Variants in PNPLA7 observed in about 807,000 individuals in gnomAD.
PNPLA7 encodes patatin-like phospholipase domain-containing protein 7.
Under a neutral mutation model 161.7 loss-of-function variants are expected in PNPLA7, and 153 were observed. That is an observed-to-expected ratio of 0.95 (90% CI 0.83 to 1.08). PNPLA7 has a LOEUF of 1.08. PNPLA7 is among the 50% of genes least tolerant of loss of function. The probability of loss-of-function intolerance (pLI) is 0.00; values close to 1 mark genes in which losing one functional copy is unlikely to be tolerated. For missense variants in PNPLA7, 1,739 were observed against 1,856.6 expected (o/e 0.94, Z 1.16); for synonymous variants, 809 against 782.1 (o/e 1.03, Z -0.57).
chr9:137,498,955 T>G (rs1202271183), intron 16 of PNPLA7, among the ~76,000 whole-genome samples: 2 of 151,514 alleles, frequency 1.3e-5, no homozygotes, highest in Non-Finnish European at 2.9e-5. Flanking sequence ...CAGGATCTGC[T>G]TTGCACAGGA....
chr9:137,524,197 C>G lies in PNPLA7; in HGVS notation c.748-1340G>C, dbSNP rs993429958. ...TGTCAAAATGTCACATAAATGGAGG[C>G]ACAGAGTGTGGAGGCTTCCCTCAGC... On this transcript the variant is annotated intron_variant, in intron 8 of 34. Transcript: ENST00000406427. This position sits in a 1 kb window ranked among gnomAD's most constrained non-coding sequence, Gnocchi z 4.4. 5.3e-5 allele frequency among the ~76,000 whole-genome samples: 8 copies of G among 152,050 alleles called. No homozygotes were observed. Among genetic ancestry groups the G allele is most frequent in the African/African-American group, 1.9e-4 (8 of 41,448 alleles).
chr9:137,497,139 G>A, intron 18 of PNPLA7, 48 bp downstream of exon 18: 8 of 1,468,912 alleles, frequency 5.4e-6, no homozygotes, highest in Non-Finnish European at 7.2e-6. Flanking sequence ...AGGATGCTCT[G>A]GGAGGGATGC....
chr9:137,488,190 C>T (rs545247443), intron 20 of PNPLA7, among the ~76,000 whole-genome samples: 4 of 152,262 alleles, frequency 2.6e-5, no homozygotes, highest in East Asian at 1.9e-4. Context: ...TGTCTCGTCC[C>T]GAGCTTCGGC....
At chr9:137,539,248 C>A (rs1836058165) in intron 8 of PNPLA7, among the ~76,000 whole-genome samples, 1 of 151,934 alleles carries the variant, frequency 6.6e-6, no homozygotes, top group Non-Finnish European at 1.5e-5. Flanking sequence ...GAGGCTGAGG[C>A]AAGAGAATTG....
At position 137,542,610 on chromosome 9, in the gene PNPLA7, G is replaced by A. The variant is rs560486561; in HGVS notation, c.666+32C>T. The A allele has an allele frequency of 3.3e-6, 5 of 1,535,944 alleles. No individual in the cohort carries two copies. In the South Asian group the frequency reaches 3.6e-5, roughly 11 times the overall value. On this transcript the variant is annotated intron_variant, in intron 7 of 34. Transcript: ENST00000406427. ...CAGACGTGGAGGTAAATGCGCAGCC[G>A]CCTGACCCCGCCCCGCCGCCCTGCG...
At chr9:137,473,463 A>C (rs958318887) in intron 25 of PNPLA7, among the ~76,000 whole-genome samples, 1 of 152,220 alleles carries the variant, frequency 6.6e-6, no homozygotes, top group Non-Finnish European at 1.5e-5. Context: ...AAAACTGGAA[A>C]ATCACACTTC....
intron 33 of PNPLA7, chr9:137,461,098 C>T (rs923572797): frequency 5.8e-6 from 2 of 345,566 alleles, no homozygotes; most frequent in Admixed American, 8.7e-5. Context: ...GAAGACGTCT[C>T]CCAGGAGAAT....
chr9:137,472,393 G>A (rs1296393578), intron 25 of PNPLA7, among the ~76,000 whole-genome samples: 3 of 151,966 alleles, frequency 2.0e-5, no homozygotes, highest in African/African-American at 7.2e-5. Context: ...TTACAAGCCT[G>A]TAATCCCAGC....
At chr9:137,522,276 G>A (rs184719178) in intron 9 of PNPLA7, among the ~76,000 whole-genome samples, 3,839 of 150,958 alleles carry the variant, frequency 0.025, 152 homozygotes, top group African/African-American at 0.079. Context: ...GGGTTTCACC[G>A]TGTGAGCCAG....
Position 137,500,285 on chromosome 9 carries a change from C to T in PNPLA7, c.1757+406G>A, listed in dbSNP as rs1056198904. Among the ~76,000 whole-genome samples the T allele has an allele frequency of 2.0e-5, 3 of 152,232 alleles. No individual in the cohort carries two copies. Among genetic ancestry groups the T allele is most frequent in the Non-Finnish European group, 2.9e-5 (2 of 68,050 alleles). On this transcript the variant is annotated intron_variant, in intron 16 of 34. Transcript: ENST00000406427. This position sits in a 1 kb window ranked among gnomAD's most constrained non-coding sequence, Gnocchi z 5.5. Reference sequence around the variant, plus strand: ...CTTCCACCTCCGCATCACTGGCTCCCGACACGTCAGCCCAGGCTGCAGAGG... The same window carrying T: ...CTTCCACCTCCGCATCACTGGCTCCTGACACGTCAGCCCAGGCTGCAGAGG...
chr9:137,460,893 T>A (rs1831153694), intron 33 of PNPLA7, 156 bp from the exon 34 acceptor site: 2 of 622,810 alleles, frequency 3.2e-6, no homozygotes, highest in South Asian at 3.8e-5. Context: ...AGGGCAGCCC[T>A]GCACACCACC....
chr9:137,522,908 C>G lies in PNPLA7; in HGVS notation c.748-51G>C, dbSNP rs61737628. 3,873 of 1,599,204 alleles carry G rather than the reference C, an allele frequency of 2.4e-3. 51 individuals carry two copies. In the African/African-American group the frequency reaches 0.036, roughly 15 times the overall value. On this transcript the variant is annotated intron_variant, in intron 8 of 34. Coordinates refer to ENST00000406427, the MANE Select transcript of PNPLA7 (RefSeq NM_001098537.3). ...CACTCTGTGGGCCTGGCCAACCCCC[C>G]AGGGAATGCCAAGGCTCCTGGAAGC...
intron 12 of PNPLA7, among the ~76,000 whole-genome samples, chr9:137,511,312 A>G (rs550299249): frequency 2.6e-4 from 30 of 116,602 alleles, no homozygotes; most frequent in East Asian, 8.5e-4. Context: ...GTTACTCAGC[A>G]GACCTTGGCC....
Position 137,543,798 on chromosome 9 carries a change from G to T in PNPLA7, c.291C>A (p.Asn97Lys). 1 of 1,613,838 alleles carries T rather than the reference G, an allele frequency of 6.2e-7. No homozygotes were observed. Among genetic ancestry groups the T allele is most frequent in the Non-Finnish European group, 8.5e-7 (1 of 1,179,916 alleles). The change falls in exon 5 of 35, where the codon AAC becomes AAA. Residue 97 changes from asparagine to lysine, a missense_variant. This residue lies in a region of PNPLA7 where 209 missense variants were observed against 252.8 expected (regional missense o/e 0.83). Transcript: ENST00000406427. This position sits in a 1 kb window ranked among gnomAD's most constrained non-coding sequence, Gnocchi z 6.9. ...GCAGGGCAGTGTTCTCCACAAGGGTGTTGGGGAGTGTGGTCACCTGCAGAG... is the reference window on the plus strand; with the variant it reads ...GCAGGGCAGTGTTCTCCACAAGGGTTTTGGGGAGTGTGGTCACCTGCAGAG... The part of the protein sequence containing the change: ...KIMRKVTTLP[N>K]TLVENTALPR...
At chr9:137,493,230 TCACA>T in intron 19 of PNPLA7, 148 bp from the exon 20 acceptor site, 1 of 812,026 alleles carries the variant, frequency 1.2e-6, no homozygotes, top group Non-Finnish European at 2.0e-6. Context: ...TGCACATGAC[TCACA>T]AGCCACGTGC....
chr9:137,545,288 C>T (rs959400489), intron 4 of PNPLA7, among the ~76,000 whole-genome samples: 2 of 152,184 alleles, frequency 1.3e-5, no homozygotes, highest in African/African-American at 4.8e-5. Flanking sequence ...TTAGAGCACA[C>T]ATGCCGGTAA....
chr9:137,479,199 T>C lies in PNPLA7; in HGVS notation c.2620A>G (p.Lys874Glu), dbSNP rs1832086331. Residue 874 changes from lysine to glutamate, a missense_variant, in exon 24 of 35, where the codon AAG (lysine) becomes GAG (glutamate). Lys to Glu is a moderately conservative substitution (Grantham distance 56, BLOSUM62 1). This residue lies in a region of PNPLA7 where 703 missense variants were observed against 694.6 expected (regional missense o/e 1.01). Coordinates refer to ENST00000406427, the MANE Select transcript of PNPLA7 (RefSeq NM_001098537.3). ...MLESTAVRAQ[K>E]QLILLHREEG... ...TCCCTGTGCAGCAGGATCAGCTGCT[T>C]CTGGGCACGCACAGCTGTGCTCTCC... The C allele has an allele frequency of 2.6e-6, 4 of 1,558,908 alleles. No individual in the cohort carries two copies. Among genetic ancestry groups the C allele is most frequent in the Non-Finnish European group, 3.5e-6 (4 of 1,152,436 alleles).
At chr9:137,522,985 C>A (rs1835109592) in intron 8 of PNPLA7, 128 bp from the exon 9 acceptor site, 9 of 1,345,590 alleles carry the variant, frequency 6.7e-6, no homozygotes, top group South Asian at 1.4e-5. Context: ...TTCTCCCTCC[C>A]AGGCTGGGCT....
rs879847549 is a variant in PNPLA7 at position 137,543,332 on chromosome 9, A to AT, written c.506+99dup. 45 of 1,481,808 alleles carry AT rather than the reference A, an allele frequency of 3.0e-5. No individual in the cohort carries two copies. The highest frequency in any genetic ancestry group is 3.9e-5 in the Non-Finnish European group (42 of 1,075,522). The allele number at this position is 1,481,808 out of a possible 1,614,324, so 91.8% of individuals were successfully genotyped here. On this transcript the variant is annotated intron_variant, in intron 6 of 34. Coordinates refer to ENST00000406427, the MANE Select transcript of PNPLA7 (RefSeq NM_001098537.3). The surrounding 1 kb of genome is among the most constrained non-coding windows in gnomAD (Gnocchi z 6.9). ...AGCCCCACGATGCGCTTTGCCAACC[A>AT]TTCCCCCAACACAAGACGGCCAAGC...
Sources: gnomAD v4.1 joint callset for allele counts (sites outside exome capture counted in the v4.1 genomes callset) on GRCh38, gnomAD v4.1.1 for gene constraint, gnomAD v4.1.1 regional missense constraint, Gnocchi (gnomAD v3.1) non-coding constraint, MANE v1.5 for transcripts, NCBI Gene and HGNC (gene_info 2026-07-23, HGNC 2026-07-21) for gene names.